Variants in GPRIN3 observed in about 807,000 individuals in gnomAD.
GPRIN3 encodes G protein-regulated inducer of neurite outgrowth 3.
GPRIN3 carries 12 observed loss-of-function variants against 13.7 expected under a neutral mutation model. The observed-to-expected ratio is 0.87, with a 90% CI of 0.56 to 1.42. The LOEUF is 1.42. GPRIN3 is among the 40% of genes most tolerant of loss of function. The pLI, the probability that GPRIN3 is intolerant of heterozygous loss-of-function variation, is 0.00. For synonymous variants in GPRIN3, 377 were observed against 372.7 expected, an observed-to-expected ratio of 1.01 and a Z score of -0.13; for missense variants, 1,009 against 958.7, an observed-to-expected ratio of 1.05 and a Z score of -0.69.
intron 1 of GPRIN3, among the ~76,000 whole-genome samples, chr4:89,262,204 A>G (rs749694935): frequency 8.5e-5 from 13 of 152,088 alleles, no homozygotes; most frequent in Non-Finnish European, 1.5e-4. Flanking sequence ...CTAAAACAAA[A>G]CAAAAATCCA....
chr4:89,307,269 T>TCACACACACACACACACACA (rs57752539), intron 1 of GPRIN3, among the ~76,000 whole-genome samples: 18 of 147,276 alleles, frequency 1.2e-4, no homozygotes, highest in African/African-American at 4.3e-4. Flanking sequence ...GAGACAAATG[T>TCACACACACACACACACACA]CACACACACA....
chr4:89,256,185 A>G (rs559651132), intron 1 of GPRIN3, among the ~76,000 whole-genome samples: 1 of 152,286 alleles, frequency 6.6e-6, no homozygotes, highest in African/African-American at 2.4e-5. Context: ...TGAGAAGAAA[A>G]TGGAAAGAAA....
At chr4:89,267,661 T>C (rs1357430897) in intron 1 of GPRIN3, among the ~76,000 whole-genome samples, 1 of 152,234 alleles carries the variant, frequency 6.6e-6, no homozygotes, top group East Asian at 1.9e-4. Flanking sequence ...GTGTAAGCCA[T>C]ATAGATGCCA....
rs1723022573 is a variant in GPRIN3 at position 89,244,141 on chromosome 4, C to T, written c.*3639G>A. On this transcript the variant is annotated 3_prime_UTR_variant, in exon 2 of 2. Transcript: ENST00000609438. ...ATGAGAGGAAAAACATTAGTATAAGCTAGGAACAGTGAAACCTCAATATGC... is the reference window on the plus strand; with the variant it reads ...ATGAGAGGAAAAACATTAGTATAAGTTAGGAACAGTGAAACCTCAATATGC... 6.6e-6 allele frequency: 1 copy of T among 152,106 alleles called. No homozygotes were observed. The highest frequency in any genetic ancestry group is 2.4e-5 in the African/African-American group (1 of 41,402). 9.4% of individuals were successfully genotyped at this position (152,106 alleles called of 1,614,324 possible). A position where few individuals can be genotyped will look rare whatever the true frequency, so the allele number is the denominator to read the frequency against.
In GPRIN3 at chr4:89,294,441, T is replaced by C. The variant is rs80332362; in HGVS notation, c.-124+13174A>G. 4.0e-3 allele frequency among the ~76,000 whole-genome samples: 614 copies of C among 152,278 alleles called. 6 individuals carry two copies. Among genetic ancestry groups the C allele is most frequent in the African/African-American group, 0.014 (580 of 41,560 alleles). The stretch of plus-strand genomic sequence containing the variant: ...CAATTTTTATCATACTGTATGTGCA[T>C]TGAGAATAAATAAATACTGCCATGA... On this transcript the variant is annotated intron_variant, in intron 1 of 1. Coordinates refer to ENST00000609438, the MANE Select transcript of GPRIN3 (RefSeq NM_198281.3).
Position 89,241,521 on chromosome 4 carries a change from G to A in GPRIN3, c.*6259C>T, listed in dbSNP as rs1311781887. 1 of 152,086 alleles carries A rather than the reference G, an allele frequency of 6.6e-6. No homozygotes were observed. The highest frequency in any genetic ancestry group is 1.5e-5 in the Non-Finnish European group (1 of 68,012). 9.4% of individuals were successfully genotyped at this position (152,086 alleles called of 1,614,324 possible). A position where few individuals can be genotyped will look rare whatever the true frequency, so the allele number is the denominator to read the frequency against. On this transcript the variant is annotated 3_prime_UTR_variant, in exon 2 of 2. Transcript: ENST00000609438. ...ACACACATTTAGAAAATTAGTAATTGCTAGTATATATTTTTCTTATTTTCA... is the reference window on the plus strand; with the variant it reads ...ACACACATTTAGAAAATTAGTAATTACTAGTATATATTTTTCTTATTTTCA...
Position 89,239,926 on chromosome 4 carries a change from T to G in GPRIN3, c.*7854A>C, listed in dbSNP as rs1000452676. On this transcript the variant is annotated 3_prime_UTR_variant, in exon 2 of 2. Transcript: ENST00000609438. ...ATCTGCCTGCCTTGGCCTCCCAAAG[T>G]GCTGGGATTGCAGGTGTGAGCCACC... The G allele has an allele frequency of 2.0e-5, 3 of 152,204 alleles. No individual in the cohort carries two copies. The highest frequency in any genetic ancestry group is 7.2e-5 in the African/African-American group (3 of 41,448). The allele number at this position is 152,204 out of a possible 1,614,324, so 9.4% of individuals were successfully genotyped here.
chr4:89,262,814 C>A (rs773804501), intron 1 of GPRIN3, among the ~76,000 whole-genome samples: 3 of 152,172 alleles, frequency 2.0e-5, no homozygotes, highest in Non-Finnish European at 2.9e-5. Flanking sequence ...CTGCCCTGCC[C>A]ACCCTCCGCC....
At chr4:89,261,050 A>T (rs113805615) in intron 1 of GPRIN3, among the ~76,000 whole-genome samples, 5 of 152,058 alleles carry the variant, frequency 3.3e-5, no homozygotes, top group African/African-American at 1.2e-4. Context: ...AGTACAGAGG[A>T]TTTGTCATTT....
intron 1 of GPRIN3, among the ~76,000 whole-genome samples, chr4:89,258,351 G>A (rs1156759367): frequency 6.6e-6 from 1 of 151,772 alleles, no homozygotes; most frequent in African/African-American, 2.4e-5. Context: ...CGAGTAGCTA[G>A]GATTAAAGGC....
At chr4:89,258,796 C>G (rs185470947) in intron 1 of GPRIN3, among the ~76,000 whole-genome samples, 1 of 152,164 alleles carries the variant, frequency 6.6e-6, no homozygotes. Flanking sequence ...CGCCCTACGT[C>G]GGGGTAGTTT....
rs149842122 is a variant in GPRIN3 at position 89,248,671 on chromosome 4, T to A, written c.1440A>T (p.Glu480Asp). ...CAAATTTCCCCAATCCATAACTTGTTTCAGCTTGACTGCATGCACTGATAG... is the reference window on the plus strand; with the variant it reads ...CAAATTTCCCCAATCCATAACTTGTATCAGCTTGACTGCATGCACTGATAG... ...QISISACSQA[E>D]TSYGLGKFET... is the part of the protein sequence containing the mutation. The change falls in exon 2 of 2, where the codon GAA (glutamate) becomes GAT (aspartate). Residue 480 changes from glutamate (E) to aspartate (D), a missense_variant. Transcript: ENST00000609438. The A allele has an allele frequency of 5.6e-6, 9 of 1,614,062 alleles. No individual in the cohort carries two copies. Among genetic ancestry groups the A allele is most frequent in the Non-Finnish European group, 7.6e-6 (9 of 1,180,022 alleles).
rs79242751 is a variant in GPRIN3, at chr4:89,269,451, C to T, written c.-123-19218G>A. ...CCGCCCCCTCTACAAGCCCCATCTG[C>T]GCAGTCTTTCTCCTACCTCCTCCAA... On this transcript the variant is annotated intron_variant, in intron 1 of 1. Coordinates refer to ENST00000609438, the MANE Select transcript of GPRIN3 (RefSeq NM_198281.3). Among the ~76,000 whole-genome samples the T allele has an allele frequency of 4.0e-3, 603 of 152,226 alleles. 5 individuals are homozygous for T. The highest frequency in any genetic ancestry group is 0.014 in the African/African-American group (567 of 41,544).
rs146939178 is a variant in GPRIN3, at chr4:89,249,997, A to G, written c.114T>C (p.Ala38=). 18 of 1,614,172 alleles carry G rather than the reference A, an allele frequency of 1.1e-5. No individual in the cohort carries two copies. Among genetic ancestry groups the G allele is most frequent in the Non-Finnish European group, 1.4e-5 (17 of 1,180,010 alleles). ...PQAASPRHRP[A]LLCKNANGFS... Reference sequence around the variant, plus strand: ...AGCCATTGGCATTCTTACACAGGAGAGCTGGTCGATGCCGAGGTGAGGCAG... The same window carrying G: ...AGCCATTGGCATTCTTACACAGGAGGGCTGGTCGATGCCGAGGTGAGGCAG... Residue 38 remains alanine (A), a synonymous_variant, in exon 2 of 2, where the codon GCT becomes GCC. Transcript: ENST00000609438.
intron 1 of GPRIN3, among the ~76,000 whole-genome samples, chr4:89,261,358 T>C (rs983710948): frequency 1.3e-5 from 2 of 152,218 alleles, no homozygotes; most frequent in Non-Finnish European, 2.9e-5. Context: ...TAATTGTCCC[T>C]GATTGAAAGA....
In GPRIN3 at chr4:89,292,530, T is replaced by C. The variant is rs537291650; in HGVS notation, c.-124+15085A>G. Among the ~76,000 whole-genome samples, 15 of 152,326 alleles carry C rather than the reference T, an allele frequency of 9.8e-5. No individual in the cohort carries two copies. The East Asian group carries it at 2.9e-3, about 29-fold the overall frequency. On this transcript the variant is annotated intron_variant, in intron 1 of 1. Transcript: ENST00000609438. Reference sequence around the variant, plus strand: ...TTGGAATTACAGAGGGGACCTGATCTGTACATACTATTTGTCAAGTGAGTT... The same window carrying C: ...TTGGAATTACAGAGGGGACCTGATCCGTACATACTATTTGTCAAGTGAGTT...
Position 89,245,913 on chromosome 4 carries a change from A to G in GPRIN3, c.*1867T>C, listed in dbSNP as rs1170132258. On this transcript the variant is annotated 3_prime_UTR_variant, in exon 2 of 2. Coordinates refer to ENST00000609438, the MANE Select transcript of GPRIN3 (RefSeq NM_198281.3). ...AGACACCAATGGGTAAGAAACTGAA[A>G]AATGTGCCTTATTAAAAAATTCCTT... 1 of 152,252 alleles carries G rather than the reference A, an allele frequency of 6.6e-6. No homozygotes were observed. The highest frequency in any genetic ancestry group is 1.5e-5 in the Non-Finnish European group (1 of 68,038). The allele number at this position is 152,252 out of a possible 1,614,324, so 9.4% of individuals were successfully genotyped here. A position where few individuals can be genotyped will look rare whatever the true frequency, so the allele number is the denominator to read the frequency against.
chr4:89,284,791 T>C (rs943804146), intron 1 of GPRIN3, among the ~76,000 whole-genome samples: 2 of 152,220 alleles, frequency 1.3e-5, no homozygotes, highest in African/African-American at 4.8e-5. Flanking sequence ...CCTTAATTAT[T>C]CTTGGACTTA....
In GPRIN3 at chr4:89,302,116, G is replaced by A. The variant is rs1274949262; in HGVS notation, c.-124+5499C>T. ...GATATTTCTGCTACGCTAGACCCTT[G>A]GGACAGAGATGAGATCATGGCATTG... On this transcript the variant is annotated intron_variant, in intron 1 of 1. Coordinates refer to ENST00000609438, the MANE Select transcript of GPRIN3 (RefSeq NM_198281.3). 3.9e-5 allele frequency among the ~76,000 whole-genome samples: 6 copies of A among 152,156 alleles called. No homozygotes were observed. In the East Asian group the frequency reaches 1.2e-3, roughly 29 times the overall value.
Sources: gnomAD v4.1 joint callset for allele counts (sites outside exome capture counted in the v4.1 genomes callset) on GRCh38, gnomAD v4.1.1 for gene constraint, MANE v1.5 for transcripts, NCBI Gene and HGNC (gene_info 2026-07-23, HGNC 2026-07-21) for gene names.